Variants in AP3M1 observed in about 807,000 individuals in gnomAD.
AP3M1 encodes the protein adaptor related protein complex 3 subunit mu 1, also known as AP-3 complex subunit mu-1.
Under a neutral mutation model 42.6 loss-of-function variants are expected in AP3M1, and 29 were observed. That is an observed-to-expected ratio of 0.68 (90% CI 0.51 to 0.93). The LOEUF (loss-of-function observed/expected upper bound fraction) is 0.93, where lower values mean the gene tolerates loss of function less well. Ranked by LOEUF, AP3M1 falls within the 40% of genes least tolerant of loss-of-function variation. The probability of loss-of-function intolerance (pLI) is 0.00; values close to 1 mark genes in which losing one functional copy is unlikely to be tolerated. For synonymous variants in AP3M1, 178 were observed against 175.3 expected (o/e 1.02, Z -0.12); for missense variants, 416 against 510.2 (o/e 0.82, Z 1.78).
rs1394127486 is a variant in AP3M1 at position 74,120,913 on chromosome 10, A to ACAT, written c.*2894_*2896dup. On this transcript the variant is annotated 3_prime_UTR_variant, in exon 9 of 9. Coordinates refer to ENST00000355264, the MANE Select transcript of AP3M1 (RefSeq NM_012095.6). ...TATAAAACAGAGTTAGCTTTTGGGG[A>ACAT]CATAGTCCTCTTCTTCCTTAAAGAA... 1.3e-5 allele frequency: 2 copies of ACAT among 152,200 alleles called. No individual in the cohort carries two copies. Among genetic ancestry groups the ACAT allele is most frequent in the Non-Finnish European group, 2.9e-5 (2 of 68,042 alleles). 9.4% of individuals were successfully genotyped at this position (152,200 alleles called of 1,614,324 possible). A position where few individuals can be genotyped will look rare whatever the true frequency, so the allele number is the denominator to read the frequency against.
chr10:74,138,814 C>T (rs575943921), intron 1 of AP3M1: 1 of 161,636 alleles, frequency 6.2e-6, no homozygotes, highest in South Asian at 1.7e-4. Flanking sequence ...GCCTGTAGTC[C>T]TAGGTACTCA....
chr10:74,140,935 T>C (rs745908156), intron 1 of AP3M1, among the ~76,000 whole-genome samples: 1 of 152,166 alleles, frequency 6.6e-6, no homozygotes, highest in African/African-American at 2.4e-5. Flanking sequence ...AAAATATGCA[T>C]AGATTTTGAC....
chr10:74,123,456 A>T lies in AP3M1; in HGVS notation c.*354T>A, dbSNP rs191405240. 4 of 217,208 alleles carry T rather than the reference A, an allele frequency of 1.8e-5. No homozygotes were observed. The highest frequency in any genetic ancestry group is 9.2e-5 in the African/African-American group (4 of 43,328). 13.5% of individuals were successfully genotyped at this position (217,208 alleles called of 1,614,324 possible). A position where few individuals can be genotyped will look rare whatever the true frequency, so the allele number is the denominator to read the frequency against. ...ACCTGACACATCACAGATTTAAGAT[A>T]GCTTCTGCTGGATGAGACCAGTTAA... is the stretch of plus-strand genomic sequence containing the variant. On this transcript the variant is annotated 3_prime_UTR_variant, in exon 9 of 9. Transcript: ENST00000355264.
At chr10:74,126,783 C>T (rs1034872497) in intron 6 of AP3M1, among the ~76,000 whole-genome samples, 5 of 151,154 alleles carry the variant, frequency 3.3e-5, no homozygotes, top group African/African-American at 2.4e-5. Flanking sequence ...CCAGCCTGGC[C>T]AACATGGTGA....
At chr10:74,134,640 G>C (rs1441745270) in intron 3 of AP3M1, among the ~76,000 whole-genome samples, 1 of 152,180 alleles carries the variant, frequency 6.6e-6, no homozygotes, top group Non-Finnish European at 1.5e-5. Context: ...TTTAAGGTCA[G>C]CATACCCATA....
chr10:74,127,330 T>C (rs2131963126), intron 6 of AP3M1, among the ~76,000 whole-genome samples: 1 of 152,164 alleles, frequency 6.6e-6, no homozygotes, highest in East Asian at 1.9e-4. Flanking sequence ...GACAGAAATC[T>C]GAAGTTTAAT....
intron 7 of AP3M1, among the ~76,000 whole-genome samples, chr10:74,125,918 G>T (rs1203955420): frequency 6.6e-6 from 1 of 152,092 alleles, no homozygotes; most frequent in Non-Finnish European, 1.5e-5. Context: ...ATGAGTGAAG[G>T]CACACTCTGA....
In AP3M1 at chr10:74,147,803, A is replaced by G. The variant is rs551902963; in HGVS notation, c.-4+2952T>C. Among the ~76,000 whole-genome samples, 4 of 152,262 alleles carry G rather than the reference A, an allele frequency of 2.6e-5. No individual in the cohort carries two copies. In the South Asian group the frequency reaches 8.3e-4, roughly 32 times the overall value. ...ATCACGAGGTCAGGAGTTCGAGACC[A>G]GCCTGGCCAACATGGCGAAACCCTG... On this transcript the variant is annotated intron_variant, in intron 1 of 8. Coordinates refer to ENST00000355264, the MANE Select transcript of AP3M1 (RefSeq NM_012095.6).
At chr10:74,140,428 A>G (rs1841109111) in intron 1 of AP3M1, among the ~76,000 whole-genome samples, 1 of 152,158 alleles carries the variant, frequency 6.6e-6, no homozygotes, top group South Asian at 2.1e-4. Context: ...ACTTTTGGAA[A>G]AGCTTTTCAT....
rs113464302 is a variant in AP3M1, at chr10:74,131,269, G to A, written c.584-1277C>T. On this transcript the variant is annotated intron_variant, in intron 4 of 8. Coordinates refer to ENST00000355264, the MANE Select transcript of AP3M1 (RefSeq NM_012095.6). ...TGCAAGCTCTGTCTCCCGGGTTCAC[G>A]CCATTCTCCTGCCTCAGTCTCTCGA... Among the ~76,000 whole-genome samples the A allele has an allele frequency of 5.7e-3, 866 of 151,812 alleles. 14 individuals are homozygous for A. Among genetic ancestry groups the A allele is most frequent in the African/African-American group, 0.02 (818 of 41,378 alleles).
chr10:74,122,759 AAAGAC>A lies in AP3M1; in HGVS notation c.*1046_*1050del, dbSNP rs1479391427. On this transcript the variant is annotated 3_prime_UTR_variant, in exon 9 of 9. Coordinates refer to ENST00000355264, the MANE Select transcript of AP3M1 (RefSeq NM_012095.6). ...ACAATATGAAAAGGGAATTTCCCCT[AAAGAC>A]AAGGAATGCAGACAAATTCAAACCC... 1 of 152,222 alleles carries A rather than the reference AAAGAC, an allele frequency of 6.6e-6. No individual in the cohort carries two copies. Among genetic ancestry groups the A allele is most frequent in the Non-Finnish European group, 1.5e-5 (1 of 68,042 alleles). 9.4% of individuals were successfully genotyped at this position (152,222 alleles called of 1,614,324 possible).
intron 1 of AP3M1, among the ~76,000 whole-genome samples, chr10:74,138,597 GAA>G (rs35488304): frequency 0.02 from 2,259 of 110,994 alleles, 15 homozygotes; most frequent in African/African-American, 0.024. Context: ...ATCCTTTTAC[GAA>G]AAAAAAAAAA....
At position 74,126,353 on chromosome 10, in the gene AP3M1, A is replaced by C. The variant is rs535082272; in HGVS notation, c.806T>G (p.Leu269Arg). 2 of 1,612,406 alleles carry C rather than the reference A, an allele frequency of 1.2e-6. No individual in the cohort carries two copies. Among genetic ancestry groups the C allele is most frequent in the African/African-American group, 2.7e-5 (2 of 74,984 alleles). The change falls in exon 7 of 9, where the codon CTA (leucine) becomes CGA (arginine). Residue 269 changes from leucine (L) to arginine (R), a missense_variant and splice_region_variant. Physicochemically the swap from Leu to Arg is moderately radical, Grantham distance 102 (BLOSUM62 -2). Transcript: ENST00000355264. The part of the protein sequence containing the change: ...LISYRVSSQN[L>R]VAIPVYVKHS... ...TTTCACATACACTGGTATTGCCACT[A>C]GACTAAAAAGAGAAACAGAGAAAGA...
chr10:74,142,081 T>C (rs545591337), intron 1 of AP3M1, among the ~76,000 whole-genome samples: 1 of 152,176 alleles, frequency 6.6e-6, no homozygotes, highest in Non-Finnish European at 1.5e-5. Flanking sequence ...TGATAACTCA[T>C]TAGGCTTTAC....
chr10:74,128,103 A>C (rs1021131966), intron 6 of AP3M1, among the ~76,000 whole-genome samples: 1 of 137,608 alleles, frequency 7.3e-6, no homozygotes, highest in Non-Finnish European at 1.5e-5. Flanking sequence ...TCCGGCTTAA[A>C]AAAAAAAAAA....
At chr10:74,125,518 A>C (rs1840587861) in intron 7 of AP3M1, among the ~76,000 whole-genome samples, 1 of 152,224 alleles carries the variant, frequency 6.6e-6, no homozygotes, top group South Asian at 2.1e-4. Context: ...TGTATTAAAT[A>C]ATCTTTAACA....
intron 3 of AP3M1, among the ~76,000 whole-genome samples, chr10:74,135,951 T>C (rs1840927580): frequency 6.6e-6 from 1 of 152,220 alleles, no homozygotes; most frequent in Non-Finnish European, 1.5e-5. Flanking sequence ...ACAGTGGAGT[T>C]GGAGTGGCAT....
chr10:74,137,583 T>G (rs572316215), intron 2 of AP3M1, among the ~76,000 whole-genome samples: 1 of 152,350 alleles, frequency 6.6e-6, no homozygotes, highest in South Asian at 2.1e-4. Context: ...TATACAGTCA[T>G]CCCTTGGTAT....
intron 2 of AP3M1, among the ~76,000 whole-genome samples, chr10:74,137,214 T>G (rs1840977431): frequency 6.6e-6 from 1 of 151,924 alleles, no homozygotes; most frequent in African/African-American, 2.4e-5. Context: ...CACTCCAGCC[T>G]AGGGAACAGA....
Sources: allele counts gnomAD v4.1 joint callset (sites outside exome capture counted in the v4.1 genomes callset), GRCh38; gene constraint gnomAD v4.1.1; transcripts MANE v1.5; gene names NCBI Gene and HGNC (gene_info 2026-07-23, HGNC 2026-07-21).